The following PID1 variants were observed in gnomAD, a reference collection of about 807,000 sequenced individuals.
PID1 encodes PTB-containing, cubilin and LRP1-interacting protein.
In PID1, 10 loss-of-function variants were observed where a neutral mutation model predicts 19.1. That is an observed-to-expected ratio of 0.52 (90% CI 0.32 to 0.89). The LOEUF is 0.89. Among genes scored for constraint, PID1 ranks in the 40% least tolerant of loss-of-function variants. PID1 has a pLI of 0.03. For missense variants in PID1, 248 were observed against 285.3 expected (o/e 0.87, Z 0.94); for synonymous variants, 130 against 116.0 (o/e 1.12, Z -0.78).
At chr2:229,029,533 G>A (rs7584411) in intron 2 of PID1, among the ~76,000 whole-genome samples, 1,784 of 152,126 alleles carry the variant, frequency 0.012, 32 homozygotes, top group African/African-American at 0.041. Context: ...AAAACAGCGT[G>A]GCGGTTCTCC....
intron 2 of PID1, among the ~76,000 whole-genome samples, chr2:229,138,158 C>G (rs982658543): frequency 6.6e-6 from 1 of 152,104 alleles, no homozygotes; most frequent in Non-Finnish European, 1.5e-5. Flanking sequence ...TGATATGCAG[C>G]CTTCACTGCC....
At chr2:229,096,496 G>A (rs1694973428) in intron 2 of PID1, among the ~76,000 whole-genome samples, 1 of 152,162 alleles carries the variant, frequency 6.6e-6, no homozygotes, top group Non-Finnish European at 1.5e-5. Context: ...TGAGGTCCAT[G>A]TCACTAAGCT....
rs1240983509 is a variant in PID1 at position 229,262,841 on chromosome 2, CT to C, written c.30+8172del. 2.6e-6 allele frequency: 4 copies of C among 1,549,172 alleles called. No homozygotes were observed. The Admixed American group carries it at 7.9e-5, about 30-fold the overall frequency. ...ATGATGCCATAACTCCGGTTTCTGC[CT>C]TGATCTTCACAATGGCCTTCTCTGT... On this transcript the variant is annotated intron_variant, in intron 1 of 2. Transcript: ENST00000392055.
chr2:229,126,371 A>T (rs556149718), intron 2 of PID1, among the ~76,000 whole-genome samples: 2 of 152,258 alleles, frequency 1.3e-5, no homozygotes, highest in Non-Finnish European at 2.9e-5. Flanking sequence ...TACCATTTGG[A>T]AAGTAATAAG....
At chr2:229,250,191 C>T (rs1208827550) in intron 1 of PID1, among the ~76,000 whole-genome samples, 3 of 152,198 alleles carry the variant, frequency 2.0e-5, no homozygotes, top group Non-Finnish European at 4.4e-5. Flanking sequence ...AAGGTATAAA[C>T]CAAATGATAT....
At chr2:229,093,421 G>A (rs867791868) in intron 2 of PID1, among the ~76,000 whole-genome samples, 8 of 151,502 alleles carry the variant, frequency 5.3e-5, no homozygotes, top group South Asian at 4.2e-4. Flanking sequence ...ATCAAGCCTC[G>A]CCCCCTTTTC....
intron 2 of PID1, among the ~76,000 whole-genome samples, chr2:229,091,570 GC>G (rs908088588): frequency 3.9e-5 from 6 of 152,180 alleles, no homozygotes; most frequent in Non-Finnish European, 8.8e-5. Context: ...TCTAAAAGAG[GC>G]CCTAAAGAGA....
intron 2 of PID1, among the ~76,000 whole-genome samples, chr2:229,075,586 G>A (rs1048254986): frequency 1.3e-5 from 2 of 152,130 alleles, no homozygotes; most frequent in Admixed American, 6.6e-5. Flanking sequence ...AATCAAGATG[G>A]CCACATGACT....
chr2:229,113,582 G>GCACATA (rs1239203731), intron 2 of PID1, among the ~76,000 whole-genome samples: 4 of 110,780 alleles, frequency 3.6e-5, no homozygotes, highest in Non-Finnish European at 5.9e-5. Context: ...ATGTGTGTAT[G>GCACATA]TGTGTATGCA....
chr2:229,112,852 G>A (rs1695326451), intron 2 of PID1, among the ~76,000 whole-genome samples: 1 of 152,084 alleles, frequency 6.6e-6, no homozygotes, highest in Non-Finnish European at 1.5e-5. Context: ...GATGGGGAAT[G>A]ACAAAACCCT....
chr2:229,232,067 C>T, intron 1 of PID1: 1 of 1,531,320 alleles, frequency 6.5e-7, no homozygotes, highest in Non-Finnish European at 8.8e-7. Context: ...CACGAAGCCT[C>T]TTGTACAAGG....
chr2:229,104,552 C>T (rs1695137554), intron 2 of PID1, among the ~76,000 whole-genome samples: 1 of 152,220 alleles, frequency 6.6e-6, no homozygotes, highest in Non-Finnish European at 1.5e-5. Flanking sequence ...CTTTTGCCGT[C>T]TCTTCTGTTG....
intron 1 of PID1, among the ~76,000 whole-genome samples, chr2:229,200,008 A>C (rs974148536): frequency 1.3e-5 from 2 of 151,978 alleles, no homozygotes; most frequent in African/African-American, 4.8e-5. Flanking sequence ...TCAGTAGGTC[A>C]ACTTGAAACT....
intron 1 of PID1, among the ~76,000 whole-genome samples, chr2:229,197,421 T>C (rs1691400803): frequency 6.6e-6 from 1 of 152,036 alleles, no homozygotes; most frequent in Non-Finnish European, 1.5e-5. Flanking sequence ...ATCATATTAA[T>C]CTAACTCTAA....
intron 1 of PID1, among the ~76,000 whole-genome samples, chr2:229,219,282 G>A (rs1201585726): frequency 6.6e-6 from 1 of 152,100 alleles, no homozygotes; most frequent in Non-Finnish European, 1.5e-5. Flanking sequence ...AGTTCCACAG[G>A]GCTGAGGATG....
chr2:229,112,688 T>C (rs2106149942), intron 2 of PID1, among the ~76,000 whole-genome samples: 1 of 152,230 alleles, frequency 6.6e-6, no homozygotes, highest in Admixed American at 6.5e-5. Context: ...TTTCACCATG[T>C]TTCCCAGGCT....
intron 1 of PID1, among the ~76,000 whole-genome samples, chr2:229,219,695 C>A (rs1251193499): frequency 6.6e-6 from 1 of 151,750 alleles, no homozygotes; most frequent in Admixed American, 6.6e-5. Flanking sequence ...CACCACCACA[C>A]CTGGCTAATT....
At chr2:229,095,000 G>A (rs927969932) in intron 2 of PID1, among the ~76,000 whole-genome samples, 3 of 152,156 alleles carry the variant, frequency 2.0e-5, no homozygotes, top group African/African-American at 7.2e-5. Flanking sequence ...CAGATAGCGT[G>A]AGCCCCATTC....
chr2:229,260,514 G>GTA (rs890350710), intron 1 of PID1, among the ~76,000 whole-genome samples: 2 of 150,544 alleles, frequency 1.3e-5, no homozygotes, highest in Non-Finnish European at 3.0e-5. Flanking sequence ...GTGTGTGTGT[G>GTA]TATATATATA....
Sources: allele counts gnomAD v4.1 joint callset (sites outside exome capture counted in the v4.1 genomes callset), GRCh38; gene constraint gnomAD v4.1.1; transcripts MANE v1.5; gene names NCBI Gene and HGNC (gene_info 2026-07-23, HGNC 2026-07-21).